The following AARS1 variants were observed in gnomAD, a reference collection of about 807,000 sequenced individuals.
AARS1 encodes alanine--tRNA ligase, cytoplasmic.
Under a neutral mutation model 108.9 loss-of-function variants are expected in AARS1, and 72 were observed. The observed-to-expected ratio is 0.66, with a 90% CI of 0.55 to 0.80. The LOEUF (loss-of-function observed/expected upper bound fraction) is 0.80. Ranked by LOEUF, AARS1 falls within the 30% of genes least tolerant of loss-of-function variation. The pLI, the probability that AARS1 is intolerant of heterozygous loss-of-function variation, is 0.00. For synonymous variants in AARS1, 489 were observed against 465.7 expected, an observed-to-expected ratio of 1.05 and a Z score of -0.64; for missense variants, 1,193 against 1,233.2, an observed-to-expected ratio of 0.97 and a Z score of 0.49.
chr16:70,275,718 G>A (rs1378240191), intron 4 of AARS1, among the ~76,000 whole-genome samples: 10 of 151,114 alleles, frequency 6.6e-5, no homozygotes, highest in South Asian at 6.3e-4. Context: ...AGCTGAGATC[G>A]CGCCACTGCA....
At position 70,286,217 on chromosome 16, in the gene AARS1, CATA is replaced by C. The variant is rs528957353; in HGVS notation, c.-22+3201_-22+3203del. Among the ~76,000 whole-genome samples the C allele has an allele frequency of 2.9e-4, 44 of 152,246 alleles. No individual in the cohort carries two copies. The South Asian group carries it at 8.9e-3, about 31-fold the overall frequency. On this transcript the variant is annotated intron_variant, in intron 1 of 20. Coordinates refer to ENST00000261772, the MANE Select transcript of AARS1 (RefSeq NM_001605.3). The stretch of plus-strand genomic sequence containing the variant: ...ATATAAATTCAATATATTTATTCAA[CATA>C]AACTCATTGATTTATTCACTGGAGG...
Position 70,252,733 on chromosome 16 carries a change from A to T in AARS1, c.2895T>A (p.Asp965Glu). Residue 965 changes from aspartate (D) to glutamate (E), a missense_variant, in exon 21 of 21, where the codon GAT becomes GAA. Asp to Glu is a conservative substitution (Grantham distance 45). Transcript: ENST00000261772. ...ATSFAQLRLG[D>E]VKN ...CCTCCTTCCCCACTCAGTTCTTTAC[A>T]TCCCCGAGGCGCAGCTGGGCGAAGG... 2 of 1,614,106 alleles carry T rather than the reference A, an allele frequency of 1.2e-6. No homozygotes were observed. The highest frequency in any genetic ancestry group is 1.7e-6 in the Non-Finnish European group (2 of 1,180,028).
At chr16:70,265,322 G>T in intron 10 of AARS1, 3 of 920,612 alleles carry the variant, frequency 3.3e-6, no homozygotes, top group Admixed American at 2.0e-5. Context: ...GTACGTGACA[G>T]CAGGATCTGC....
chr16:70,275,559 G>A (rs932666275), intron 4 of AARS1, among the ~76,000 whole-genome samples: 7 of 151,860 alleles, frequency 4.6e-5, no homozygotes, highest in Non-Finnish European at 5.9e-5. Context: ...TCAGGAGATC[G>A]AGACCACCCT....
chr16:70,278,239 A>G, intron 2 of AARS1, among the ~76,000 whole-genome samples: 1 of 152,050 alleles, frequency 6.6e-6, no homozygotes, highest in Admixed American at 6.6e-5. Context: ...AAAAACTAAA[A>G]TTAAATAATT....
intron 8 of AARS1, 95 bp downstream of exon 8, chr16:70,268,176 G>T (rs1188723578): frequency 1.7e-6 from 2 of 1,186,128 alleles, no homozygotes; most frequent in Non-Finnish European, 2.5e-6. Context: ...TCAAAAAACA[G>T]CAACAAAAAG....
At chr16:70,284,461 G>A (rs918969015) in intron 1 of AARS1, among the ~76,000 whole-genome samples, 1 of 151,712 alleles carries the variant, frequency 6.6e-6, no homozygotes, top group African/African-American at 2.4e-5. Flanking sequence ...AATAATCCGG[G>A]CATGGTGGCA....
At position 70,258,061 on chromosome 16, in the gene AARS1, G is replaced by C; in HGVS notation, c.2149C>G (p.Leu717Val). 1 of 1,614,168 alleles carries C rather than the reference G, an allele frequency of 6.2e-7. No homozygotes were observed. Among genetic ancestry groups the C allele is most frequent in the South Asian group, 1.1e-5 (1 of 91,078 alleles). The part of the protein sequence containing the change: ...LDDPSGPAGS[L>V]TSVEFCGGTH... ...CCCCCACAGAACTCAACAGAAGTCA[G>C]GGAGCCAGCAGGCCCAGAGGGGTCA... is the stretch of plus-strand genomic sequence containing the variant. The change falls in exon 15 of 21, where the codon CTG (leucine) becomes GTG (valine). Residue 717 changes from leucine (L) to valine (V), a missense_variant. Leu to Val is a conservative substitution (Grantham distance 32). Transcript: ENST00000261772.
chr16:70,261,443 C>G, intron 12 of AARS1: 2 of 333,624 alleles, frequency 6.0e-6, no homozygotes, highest in Non-Finnish European at 5.8e-6. Context: ...TAAAAAAATA[C>G]AAAAATTAGC....
chr16:70,269,264 G>A (rs1436286921), intron 7 of AARS1, among the ~76,000 whole-genome samples: 1 of 147,010 alleles, frequency 6.8e-6, no homozygotes, highest in African/African-American at 2.5e-5. Flanking sequence ...AGGTTGCGGT[G>A]AGCCAAGATC....
intron 7 of AARS1, among the ~76,000 whole-genome samples, chr16:70,269,322 GAAAAAAAAAAAAAAAAAAAAAAAAAA>G (rs56394253): frequency 1.6e-5 from 1 of 64,242 alleles, no homozygotes; most frequent in African/African-American, 6.6e-5. Flanking sequence ...TTCTGTCTCA[GAAAAAAAAAAAAAAAAAAAAAAAAAA>G]AAAAAAAAAA....
intron 17 of AARS1, 52 bp downstream of exon 17, chr16:70,254,569 G>T: frequency 8.0e-7 from 1 of 1,247,708 alleles, no homozygotes; most frequent in Non-Finnish European, 1.2e-6. Context: ...TGAAGACGGG[G>T]CATGTTTCAT....
At position 70,269,826 on chromosome 16, in the gene AARS1, A is replaced by G. The variant is rs1364766258; in HGVS notation, c.817-63T>C. 14 of 1,604,758 alleles carry G rather than the reference A, an allele frequency of 8.7e-6. No homozygotes were observed. In the South Asian group the frequency reaches 9.9e-5, roughly 11 times the overall value. On this transcript the variant is annotated intron_variant, in intron 6 of 20. Transcript: ENST00000261772. ...AGACTTTCTGGCGCTACCTTGCCCA[A>G]GGAGGTTCCTGGAGGATTGAGGAGC...
In AARS1 at chr16:70,266,080, G is replaced by A. The variant is rs577222728; in HGVS notation, c.1223-418C>T. 8.0e-4 allele frequency among the ~76,000 whole-genome samples: 122 copies of A among 152,274 alleles called. 1 individual carries two copies. Among genetic ancestry groups the A allele is most frequent in the African/African-American group, 2.6e-3 (110 of 41,556 alleles). On this transcript the variant is annotated intron_variant, in intron 9 of 20. Transcript: ENST00000261772. ...TGTAATCCCAGCACTTTGGGAGGCC[G>A]AGGCGGGCGGATCAGGAGGTCAGGA...
chr16:70,261,134 A>G lies in AARS1; in HGVS notation c.1695T>C (p.Asn565=), dbSNP rs746421660. 6.2e-7 allele frequency: 1 copy of G among 1,613,712 alleles called. No individual in the cohort carries two copies. The highest frequency in any genetic ancestry group is 8.5e-7 in the Non-Finnish European group (1 of 1,179,706). ...GCACATACCCTCCTCGGACCTGAGC[A>G]TTCTTCACTGTAAACTCTGTTTTCT... ...SEDKTEFTVK[N]AQVRGGYVLH... Residue 565 remains asparagine, a synonymous_variant, in exon 13 of 21, where the codon AAT becomes AAC. Coordinates refer to ENST00000261772, the MANE Select transcript of AARS1 (RefSeq NM_001605.3).
intron 7 of AARS1, 48 bp downstream of exon 7, chr16:70,269,570 G>A: frequency 6.2e-7 from 1 of 1,609,344 alleles, no homozygotes; most frequent in African/African-American, 1.3e-5. Flanking sequence ...GTCACACATA[G>A]CACACGTGGT....
chr16:70,259,328 G>T lies in AARS1; in HGVS notation c.1786-142C>A, dbSNP rs1341758153. On this transcript the variant is annotated intron_variant, in intron 13 of 20. Coordinates refer to ENST00000261772, the MANE Select transcript of AARS1 (RefSeq NM_001605.3). The stretch of plus-strand genomic sequence containing the variant: ...AGGTTACATTTCCCAGCTTCCCTAT[G>T]GCTAAGTGTGTCCATGTGACTAAGT... 11 of 863,282 alleles carry T rather than the reference G, an allele frequency of 1.3e-5. No individual in the cohort carries two copies. In the Admixed American group the frequency reaches 2.3e-4, roughly 18 times the overall value. The allele number at this position is 863,282 out of a possible 1,614,324, so 53.5% of individuals were successfully genotyped here. A position where few individuals can be genotyped will look rare whatever the true frequency, so the allele number is the denominator to read the frequency against.
intron 5 of AARS1, 41 bp downstream of exon 5, chr16:70,271,740 C>A: frequency 6.2e-7 from 1 of 1,602,478 alleles, no homozygotes; most frequent in Non-Finnish European, 8.5e-7. Flanking sequence ...TCCTCCCCTG[C>A]TCAGCTCAAG....
At chr16:70,286,887 G>A (rs901211917) in intron 1 of AARS1, among the ~76,000 whole-genome samples, 4 of 151,664 alleles carry the variant, frequency 2.6e-5, no homozygotes, top group Admixed American at 1.3e-4. Flanking sequence ...GGGCCGAGGC[G>A]GGTGGATCAC....
Sources: allele counts gnomAD v4.1 joint callset (sites outside exome capture counted in the v4.1 genomes callset), GRCh38; gene constraint gnomAD v4.1.1; transcripts MANE v1.5; gene names NCBI Gene and HGNC (gene_info 2026-07-23, HGNC 2026-07-21).